The following PRSS23 variants were observed in gnomAD, a reference collection of about 807,000 sequenced individuals.
The protein encoded by PRSS23 is serine protease 23.
PRSS23 carries 25 observed loss-of-function variants against 34.7 expected under a neutral mutation model. The observed-to-expected ratio is 0.72, with a 90% CI of 0.53 to 1.01. PRSS23 has a LOEUF of 1.01. Among genes scored for constraint, PRSS23 ranks in the 50% least tolerant of loss-of-function variants. PRSS23 has a pLI of 0.00. For synonymous variants in PRSS23, 176 were observed against 186.6 expected (o/e 0.94, Z 0.46); for missense variants, 445 against 475.6 (o/e 0.94, Z 0.60).
At chr11:86,835,300 AAAC>A (rs1194531593) in intron 2 of PRSS23, among the ~76,000 whole-genome samples, 6 of 152,260 alleles carry the variant, frequency 3.9e-5, no homozygotes, top group African/African-American at 1.2e-4. Flanking sequence ...CACTACCTGT[AAAC>A]AATGAGGCCA....
At chr11:86,832,870 A>T (rs1224209191) in intron 2 of PRSS23, 8 of 321,510 alleles carry the variant, frequency 2.5e-5, no homozygotes, top group Middle Eastern at 2.2e-3. Context: ...TGACTATGTT[A>T]TTGGTGAAGG....
intron 2 of PRSS23, among the ~76,000 whole-genome samples, chr11:86,830,324 C>T (rs1159434251): frequency 2.0e-5 from 3 of 152,172 alleles, no homozygotes; most frequent in African/African-American, 7.2e-5. Flanking sequence ...CCTTGTGCAT[C>T]GTTTTTTAAG....
intron 1 of PRSS23, among the ~76,000 whole-genome samples, chr11:86,804,777 AG>A (rs1948079986): frequency 6.6e-6 from 1 of 152,216 alleles, no homozygotes; most frequent in Non-Finnish European, 1.5e-5. Flanking sequence ...ATTTTGCCAA[AG>A]AATACATTTG....
upstream of PRSS23, among the ~76,000 whole-genome samples, chr11:86,798,643 G>T (rs1947998132): frequency 6.6e-6 from 1 of 152,076 alleles, no homozygotes; most frequent in Non-Finnish European, 1.5e-5. Context: ...AATCTGTTTT[G>T]GTTTTATTTG....
chr11:86,842,956 T>A (rs964521949), intron 2 of PRSS23, among the ~76,000 whole-genome samples: 1 of 152,156 alleles, frequency 6.6e-6, no homozygotes, highest in African/African-American at 2.4e-5. Context: ...AGAGCCCACA[T>A]AGCCAAGACA....
At chr11:86,952,866 T>TA (rs1949306447) in exon 3 of PRSS23, 1 of 158,506 alleles carries the variant, frequency 6.3e-6, no homozygotes, top group Admixed American at 6.2e-5. Context: ...GGTTTATTTT[T>TA]ATCCCCGTTT....
downstream of PRSS23, among the ~76,000 whole-genome samples, chr11:86,814,150 G>A (rs537105113): frequency 7.4e-4 from 113 of 152,342 alleles, 1 homozygote; most frequent in African/African-American, 2.5e-3. Context: ...CAACTGTCTA[G>A]CGGACACCCA....
chr11:86,877,421 A>T (rs1432658304), intron 2 of PRSS23, among the ~76,000 whole-genome samples: 1 of 152,050 alleles, frequency 6.6e-6, no homozygotes, highest in Non-Finnish European at 1.5e-5. Flanking sequence ...CTTATTCTTC[A>T]CCTGTGCAGT....
At chr11:86,926,500 T>C (rs927566081) in intron 2 of PRSS23, among the ~76,000 whole-genome samples, 1 of 152,190 alleles carries the variant, frequency 6.6e-6, no homozygotes, top group Non-Finnish European at 1.5e-5. Context: ...TACCCATAAT[T>C]ATAAATAATG....
chr11:86,895,477 C>CTTTTTTTT (rs71040269), intron 2 of PRSS23, among the ~76,000 whole-genome samples: 67 of 86,594 alleles, frequency 7.7e-4, no homozygotes, highest in Middle Eastern at 0.012. Flanking sequence ...TTATTTTATC[C>CTTTTTTTT]TTTTTTTTTT....
chr11:86,888,434 G>A (rs764964854), intron 2 of PRSS23, among the ~76,000 whole-genome samples: 23 of 152,294 alleles, frequency 1.5e-4, no homozygotes, highest in South Asian at 2.1e-4. Context: ...ATCCTCTAAG[G>A]AGAATCACTC....
At chr11:86,811,481 A>G (rs1459935841), downstream of PRSS23, among the ~76,000 whole-genome samples, 8 of 152,356 alleles carry the variant, frequency 5.3e-5, no homozygotes, top group East Asian at 1.5e-3. Context: ...AGTTTGTGGC[A>G]GAACTGGGGA....
At chr11:86,860,771 AG>A (rs2134933280) in intron 2 of PRSS23, among the ~76,000 whole-genome samples, 1 of 152,004 alleles carries the variant, frequency 6.6e-6, no homozygotes, top group East Asian at 1.9e-4. Context: ...CTTATATCCC[AG>A]GGCGGGGAAG....
At chr11:86,938,966 C>T (rs954940370) in intron 2 of PRSS23, 1 of 425,670 alleles carries the variant, frequency 2.3e-6, no homozygotes, top group Non-Finnish European at 4.6e-6. Flanking sequence ...AGGAGGCCTT[C>T]TCAAAAATAT....
chr11:86,849,343 A>G (rs981605648), intron 2 of PRSS23, among the ~76,000 whole-genome samples: 2 of 152,192 alleles, frequency 1.3e-5, no homozygotes, highest in South Asian at 2.1e-4. Flanking sequence ...CCACACCCTT[A>G]TTAAGGAGAG....
At chr11:86,794,918 T>C (rs1947971425) in intron 1 of PRSS23, among the ~76,000 whole-genome samples, 1 of 152,162 alleles carries the variant, frequency 6.6e-6, no homozygotes, top group African/African-American at 2.4e-5. Flanking sequence ...TAGGTAATTG[T>C]TCAATGAATG....
intron 2 of PRSS23, among the ~76,000 whole-genome samples, chr11:86,843,071 A>G (rs1189806309): frequency 6.6e-6 from 1 of 152,140 alleles, no homozygotes; most frequent in African/African-American, 2.4e-5. Context: ...ACCAAAACAG[A>G]TATATAGACC....
At chr11:86,893,348 C>T (rs1051460858) in intron 2 of PRSS23, among the ~76,000 whole-genome samples, 2 of 152,176 alleles carry the variant, frequency 1.3e-5, no homozygotes, top group Non-Finnish European at 2.9e-5. Flanking sequence ...ATATAAGTAT[C>T]TGAATCCAAA....
chr11:86,838,256 G>T (rs1397169657), intron 2 of PRSS23, among the ~76,000 whole-genome samples: 2 of 151,998 alleles, frequency 1.3e-5, no homozygotes, highest in Admixed American at 6.5e-5. Context: ...GTACACTCTT[G>T]ACCAAATAGT....
Sources: allele counts gnomAD v4.1 joint callset (sites outside exome capture counted in the v4.1 genomes callset), GRCh38; gene constraint gnomAD v4.1.1; transcripts MANE v1.5; gene names NCBI Gene and HGNC (gene_info 2026-07-23, HGNC 2026-07-21).